The following FUT8 variants were observed in gnomAD, a reference collection of about 807,000 sequenced individuals.
FUT8 encodes fucosyltransferase 8, also known as alpha-(1,6)-fucosyltransferase.
Under a neutral mutation model 71.3 loss-of-function variants are expected in FUT8, and 29 were observed. The ratio of observed to expected loss-of-function variants is 0.41; its 90% CI spans 0.30 to 0.55. The LOEUF (loss-of-function observed/expected upper bound fraction) is 0.55. Ranked by LOEUF, FUT8 falls within the 20% of genes least tolerant of loss-of-function variation. The probability of loss-of-function intolerance (pLI) is 0.34; values close to 1 mark genes in which losing one functional copy is unlikely to be tolerated. For synonymous variants in FUT8, 254 were observed against 239.3 expected (o/e 1.06, Z -0.57); for missense variants, 544 against 702.1 (o/e 0.77, Z 2.55).
Position 65,601,497 on chromosome 14 carries a change from A to G in FUT8, c.204-14481A>G, listed in dbSNP as rs117795270. Among the ~76,000 whole-genome samples the G allele has an allele frequency of 9.7e-3, 1,482 of 152,232 alleles. 20 individuals carry two copies. Among genetic ancestry groups the G allele is most frequent in the East Asian group, 0.036 (184 of 5,180 alleles). The stretch of plus-strand genomic sequence containing the variant: ...AAGTGGTCCGAATTATGTTAATCTT[A>G]GTAGTTTGTTGATATAATGCCACTA... On this transcript the variant is annotated intron_variant, in intron 3 of 10. Transcript: ENST00000673929.
chr14:65,710,295 A>G (rs184227716), intron 7 of FUT8, among the ~76,000 whole-genome samples: 3 of 152,336 alleles, frequency 2.0e-5, no homozygotes, highest in African/African-American at 7.2e-5. Context: ...TGGTACACAA[A>G]TGACTAAAAT....
In FUT8 at chr14:65,577,131, T is replaced by C. The variant is rs368950605; in HGVS notation, c.203+15365T>C. Among the ~76,000 whole-genome samples the C allele has an allele frequency of 2.0e-5, 3 of 152,280 alleles. No individual in the cohort carries two copies. The East Asian group carries it at 5.8e-4, about 29-fold the overall frequency. ...TTCCAAAGTGCTGGGATTACAGATA[T>C]GAGCCATTGCGCCTGGTCTTACTAT... is the stretch of plus-strand genomic sequence containing the variant. On this transcript the variant is annotated intron_variant, in intron 3 of 10. Coordinates refer to ENST00000673929, the MANE Select transcript of FUT8 (RefSeq NM_001371533.1).
At chr14:65,668,588 A>T (rs1892325777) in intron 6 of FUT8, among the ~76,000 whole-genome samples, 1 of 152,182 alleles carries the variant, frequency 6.6e-6, no homozygotes, top group Non-Finnish European at 1.5e-5. Context: ...GCCAGTGGAA[A>T]TGTAAATTAG....
At chr14:65,558,298 C>T (rs1284437848) in intron 2 of FUT8, among the ~76,000 whole-genome samples, 3 of 142,346 alleles carry the variant, frequency 2.1e-5, no homozygotes, top group Non-Finnish European at 1.5e-5. Flanking sequence ...TGCCACTGCA[C>T]TCCAGCCTGG....
chr14:65,539,109 A>G (rs1277292208), intron 2 of FUT8, among the ~76,000 whole-genome samples: 4 of 152,144 alleles, frequency 2.6e-5, no homozygotes, highest in Non-Finnish European at 5.9e-5. Context: ...ACATCGATAC[A>G]TGGTAGTCAC....
chr14:65,377,620 G>T, the FUT8 span, among the ~76,000 whole-genome samples: 1 of 152,114 alleles, frequency 6.6e-6, no homozygotes, highest in Non-Finnish European at 1.5e-5. Context: ...TTGCTGATTT[G>T]TTTGCTTTCT....
chr14:65,382,774 TC>T, the FUT8 span, among the ~76,000 whole-genome samples: 1 of 152,218 alleles, frequency 6.6e-6, no homozygotes, highest in Admixed American at 6.5e-5. Flanking sequence ...GCTGCTTTTG[TC>T]CTTAGTTCTT....
At chr14:65,651,512 C>T (rs1891406265) in intron 6 of FUT8, among the ~76,000 whole-genome samples, 1 of 152,170 alleles carries the variant, frequency 6.6e-6, no homozygotes, top group African/African-American at 2.4e-5. Flanking sequence ...TTCATCATAT[C>T]AAGAACCAAG....
intron 7 of FUT8, among the ~76,000 whole-genome samples, chr14:65,688,679 C>T (rs1372306318): frequency 6.6e-6 from 1 of 151,984 alleles, no homozygotes; most frequent in African/African-American, 2.4e-5. Context: ...TATTTGTGTG[C>T]AGGTGTGTGA....
chr14:65,738,904 T>A, intron 10 of FUT8, among the ~76,000 whole-genome samples: 1 of 152,102 alleles, frequency 6.6e-6, no homozygotes, highest in East Asian at 1.9e-4. Context: ...TGGAGCAATA[T>A]TCATTCAACA....
chr14:65,531,126 T>C (rs967841319), intron 2 of FUT8, among the ~76,000 whole-genome samples: 4 of 151,402 alleles, frequency 2.6e-5, no homozygotes, highest in Admixed American at 2.6e-4. Context: ...TGTAAATTGG[T>C]GGGAAGTAAT....
chr14:65,480,064 A>G (rs2056346057), intron 2 of FUT8, among the ~76,000 whole-genome samples: 1 of 152,106 alleles, frequency 6.6e-6, no homozygotes, highest in Non-Finnish European at 1.5e-5. Context: ...TAATGACCAC[A>G]TGTTTGGATT....
intron 2 of FUT8, among the ~76,000 whole-genome samples, chr14:65,494,278 T>C (rs2066526256): frequency 6.6e-6 from 1 of 152,196 alleles, no homozygotes; most frequent in South Asian, 2.1e-4. Flanking sequence ...TTACATTCTT[T>C]TATTCATATT....
upstream of FUT8, chr14:65,411,145 G>A (rs925730317): frequency 6.6e-6 from 1 of 152,198 alleles, no homozygotes; most frequent in African/African-American, 2.4e-5. Flanking sequence ...AATCTCATGG[G>A]AGAGAGCATC....
In FUT8 at chr14:65,645,288, T is replaced by A. The variant is rs140444758; in HGVS notation, c.597+15682T>A. The stretch of plus-strand genomic sequence containing the variant: ...TAAAGCTGACAAATGCCACAAATAC[T>A]AAACCCCAGAAAAATAATTTTTAAT... On this transcript the variant is annotated intron_variant, in intron 6 of 10. Transcript: ENST00000673929. Among the ~76,000 whole-genome samples, 156 of 152,342 alleles carry A rather than the reference T, an allele frequency of 1.0e-3. 1 individual carries two copies. The highest frequency in any genetic ancestry group is 3.6e-3 in the African/African-American group (149 of 41,576).
intron 7 of FUT8, among the ~76,000 whole-genome samples, chr14:65,698,517 A>G (rs1894111859): frequency 6.6e-6 from 1 of 152,226 alleles, no homozygotes; most frequent in African/African-American, 2.4e-5. Context: ...GCAAGTATTT[A>G]TATTCCCTTT....
intron 6 of FUT8, among the ~76,000 whole-genome samples, chr14:65,640,927 T>G (rs1890795055): frequency 6.6e-6 from 1 of 152,186 alleles, no homozygotes; most frequent in African/African-American, 2.4e-5. Flanking sequence ...AACACAAATA[T>G]GAAGGCTTAC....
At position 65,490,193 on chromosome 14, in the gene FUT8, C is replaced by T. The variant is rs2066463305; in HGVS notation, c.-228+34475C>T. The stretch of plus-strand genomic sequence containing the variant: ...TCTCCTTTTGCATCTCTTTCACCCC[C>T]ACCCCAAATAACCCAAATTTAGTTG... On this transcript the variant is annotated intron_variant, in intron 2 of 10. Coordinates refer to ENST00000673929, the MANE Select transcript of FUT8 (RefSeq NM_001371533.1). 3.3e-5 allele frequency among the ~76,000 whole-genome samples: 5 copies of T among 152,132 alleles called. No individual in the cohort carries two copies. The South Asian group carries it at 1.0e-3, about 32-fold the overall frequency.
At chr14:65,590,786 G>A (rs1302504056) in intron 3 of FUT8, among the ~76,000 whole-genome samples, 1 of 152,152 alleles carries the variant, frequency 6.6e-6, no homozygotes, top group African/African-American at 2.4e-5. Context: ...ATACTTCAAG[G>A]TGATACATGT....
Sources: allele counts gnomAD v4.1 joint callset (sites outside exome capture counted in the v4.1 genomes callset), GRCh38; gene constraint gnomAD v4.1.1; transcripts MANE v1.5; gene names NCBI Gene and HGNC (gene_info 2026-07-23, HGNC 2026-07-21).